The following ABCA1 variants were observed in gnomAD, a reference collection of about 807,000 sequenced individuals.
ABCA1 encodes phospholipid-transporting ATPase ABCA1.
A neutral mutation model predicts 262.5 loss-of-function variants in ABCA1; 133 were observed. The observed-to-expected ratio is 0.51, with a 90% CI of 0.44 to 0.59. The LOEUF is 0.59. Ranked by LOEUF, ABCA1 falls within the 20% of genes least tolerant of loss-of-function variation. The pLI, the probability that ABCA1 is intolerant of heterozygous loss-of-function variation, is 0.00. For missense variants in ABCA1, 2,452 were observed against 2,777.5 expected (o/e 0.88, Z 2.63); for synonymous variants, 1,022 against 1,043.5 (o/e 0.98, Z 0.40).
intron 8 of ABCA1, among the ~76,000 whole-genome samples, chr9:104,845,037 G>T (rs569913149): frequency 6.6e-6 from 1 of 152,346 alleles, no homozygotes; most frequent in East Asian, 1.9e-4. Flanking sequence ...CAAGGGAAAG[G>T]GCTGAATTAG....
chr9:104,909,649 C>G (rs111761827), intron 1 of ABCA1, among the ~76,000 whole-genome samples: 1 of 139,136 alleles, frequency 7.2e-6, no homozygotes, highest in Non-Finnish European at 1.6e-5. Context: ...CACACACACA[C>G]ACACATTCAC....
chr9:104,829,095 G>C lies in ABCA1; in HGVS notation c.1936C>G (p.Leu646Val). The C allele has an allele frequency of 6.2e-7, 1 of 1,614,192 alleles. No homozygotes were observed. Among genetic ancestry groups the C allele is most frequent in the South Asian group, 1.1e-5 (1 of 91,080 alleles). ...ACAGCCACTGAGTAAATCCAGGCCA[G>C]CGTCATGAAGAGGGGCATTGACCGG... Reference protein sequence around the residue: ...MSRSMPLFMTLAWIYSVAVII... With the variant: ...MSRSMPLFMTVAWIYSVAVII... The change falls in exon 15 of 50, where the codon CTG (leucine) becomes GTG (valine). Residue 646 changes from leucine to valine, a missense_variant. Around this residue, in one of 4 missense-constraint regions of ABCA1, gnomAD observed 1,032 missense variants for 1,089.7 expected, o/e 0.95. Transcript: ENST00000374736.
chr9:104,795,206 C>T (rs889342297), intron 39 of ABCA1, among the ~76,000 whole-genome samples: 7 of 152,142 alleles, frequency 4.6e-5, no homozygotes, highest in African/African-American at 1.7e-4. Flanking sequence ...ACTACCAGAC[C>T]CTGTGACAGA....
Position 104,824,572 on chromosome 9 carries a change from T to C in ABCA1, c.2549A>G (p.Tyr850Cys). ...WYIEAVFPGQYGIPRPWYFPC... is the reference protein window; with the variant it reads ...WYIEAVFPGQCGIPRPWYFPC... ...AAAATACCAGGGCCTGGGAATTCCG[T>C]ACTGGCCTGAAAGCAAAGCACAGGT... The change falls in exon 18 of 50, where the codon TAC (tyrosine) becomes TGC (cysteine). Residue 850 changes from tyrosine (Y) to cysteine (C), a missense_variant. Coordinates refer to ENST00000374736, the MANE Select transcript of ABCA1 (RefSeq NM_005502.4). 6.2e-7 allele frequency: 1 copy of C among 1,613,662 alleles called. No homozygotes were observed. The highest frequency in any genetic ancestry group is 8.5e-7 in the Non-Finnish European group (1 of 1,180,020).
intron 5 of ABCA1, among the ~76,000 whole-genome samples, chr9:104,871,752 A>G (rs1458513532): frequency 6.6e-6 from 1 of 152,180 alleles, no homozygotes; most frequent in Non-Finnish European, 1.5e-5. Context: ...GATAGGAAGT[A>G]TGAAGAAACA....
intron 6 of ABCA1, among the ~76,000 whole-genome samples, chr9:104,861,072 C>T (rs1836340534): frequency 6.6e-6 from 1 of 152,032 alleles, no homozygotes; most frequent in South Asian, 2.1e-4. Flanking sequence ...CTCGTCCATC[C>T]CACCTGAGCT....
At chr9:104,860,076 T>C (rs1194159684) in intron 6 of ABCA1, among the ~76,000 whole-genome samples, 1 of 143,474 alleles carries the variant, frequency 7.0e-6, no homozygotes, top group African/African-American at 2.7e-5. Flanking sequence ...AAAAAAAGAA[T>C]ACTGACAACG....
chr9:104,863,834 T>C (rs1836837699), intron 5 of ABCA1, among the ~76,000 whole-genome samples: 1 of 152,196 alleles, frequency 6.6e-6, no homozygotes, highest in African/African-American at 2.4e-5. Context: ...CATGTGACTC[T>C]ACACTGTTAG....
At chr9:104,802,291 G>A (rs199940084) in intron 33 of ABCA1, 132 bp from the exon 34 acceptor site, 6 of 93,882 alleles carry the variant, frequency 6.4e-5, no homozygotes, top group African/African-American at 1.6e-4. Flanking sequence ...TTTTGCCTCA[G>A]AGAAGTTACA....
intron 2 of ABCA1, among the ~76,000 whole-genome samples, chr9:104,901,683 A>G (rs994856598): frequency 6.6e-6 from 1 of 152,148 alleles, no homozygotes; most frequent in Non-Finnish European, 1.5e-5. Flanking sequence ...AATAGGCAAA[A>G]TAATGACACC....
At chr9:104,892,217 T>C (rs1332427116) in intron 2 of ABCA1, among the ~76,000 whole-genome samples, 1 of 152,014 alleles carries the variant, frequency 6.6e-6, no homozygotes, top group African/African-American at 2.4e-5. Context: ...GTCTTGCTAA[T>C]ATTTCTGTAA....
At chr9:104,923,965 G>A (rs1338972524) in intron 1 of ABCA1, among the ~76,000 whole-genome samples, 4 of 152,172 alleles carry the variant, frequency 2.6e-5, no homozygotes, top group South Asian at 2.1e-4. Context: ...TCACGTGAGC[G>A]CAGGAGGCTG....
At position 104,783,993 on chromosome 9, in the gene ABCA1, C is replaced by CA. The variant is rs557492263; in HGVS notation, c.*321dup. The CA allele has an allele frequency of 0.049, 6,564 of 134,996 alleles. 20 individuals carry two copies. The highest frequency in any genetic ancestry group is 0.072 in the African/African-American group (1,640 of 22,628). The allele number at this position is 134,996 out of a possible 1,614,324, so 8.4% of individuals were successfully genotyped here. A position where few individuals can be genotyped will look rare whatever the true frequency, so the allele number is the denominator to read the frequency against. On this transcript the variant is annotated 3_prime_UTR_variant, in exon 50 of 50. Coordinates refer to ENST00000374736, the MANE Select transcript of ABCA1 (RefSeq NM_005502.4). ...CAACCCCAATGAGAATACACAGGAA[C>CA]AAAAAAAAAAAAAAAAGTGTGAGTT...
chr9:104,829,181 C>T (rs199715309), intron 14 of ABCA1, 43 bp from the exon 15 acceptor site: 257 of 1,605,722 alleles, frequency 1.6e-4, no homozygotes, highest in Non-Finnish European at 2.0e-4. Flanking sequence ...GAAAGACACA[C>T]GTGAGCCAGG....
intron 1 of ABCA1, among the ~76,000 whole-genome samples, chr9:104,918,788 A>G (rs1349983881): frequency 2.0e-5 from 3 of 152,156 alleles, no homozygotes; most frequent in South Asian, 2.1e-4. Context: ...TGCCTTTCCA[A>G]GGAAAGCTGC....
intron 2 of ABCA1, among the ~76,000 whole-genome samples, chr9:104,893,699 T>C (rs1839969774): frequency 2.6e-5 from 4 of 152,232 alleles, no homozygotes; most frequent in Admixed American, 2.0e-4. Flanking sequence ...GTAGCAAGGC[T>C]AAGGCTGGAG....
chr9:104,810,726 T>C (rs1018823285), intron 29 of ABCA1, 74 bp downstream of exon 29: 3 of 1,610,160 alleles, frequency 1.9e-6, no homozygotes, highest in Non-Finnish European at 2.5e-6. Context: ...CTGAAGTCCA[T>C]TCCCTTGGCC....
chr9:104,803,482 AG>A (rs529257449), intron 32 of ABCA1, among the ~76,000 whole-genome samples, 166 bp from the exon 33 acceptor site: 36 of 152,342 alleles, frequency 2.4e-4, no homozygotes, highest in African/African-American at 8.4e-4. Context: ...GCCTGTGTTC[AG>A]GCCTCTTCCA....
At chr9:104,829,945 C>A (rs73663559) in intron 14 of ABCA1, among the ~76,000 whole-genome samples, 4 of 51,650 alleles carry the variant, frequency 7.7e-5, no homozygotes, top group Admixed American at 1.7e-4. Context: ...CTGATCCCTA[C>A]ACACACACAC....
Sources: allele counts gnomAD v4.1 joint callset (sites outside exome capture counted in the v4.1 genomes callset), GRCh38; gene constraint gnomAD v4.1.1; regional missense constraint gnomAD v4.1.1; transcripts MANE v1.5; gene names NCBI Gene and HGNC (gene_info 2026-07-23, HGNC 2026-07-21).